CDS1: variants seen among roughly 807,000 people sequenced by gnomAD.
The protein encoded by CDS1 is CDP-diacylglycerol synthase 1, also known as phosphatidate cytidylyltransferase 1.
Under a neutral mutation model 62.1 loss-of-function variants are expected in CDS1, and 41 were observed. The observed-to-expected ratio is 0.66, with a 90% CI of 0.51 to 0.86. The LOEUF is 0.86. Ranked by LOEUF, CDS1 falls within the 40% of genes least tolerant of loss-of-function variation. The pLI, the probability that CDS1 is intolerant of heterozygous loss-of-function variation, is 0.00. For synonymous variants in CDS1, 185 were observed against 192.6 expected (o/e 0.96, Z 0.32); for missense variants, 470 against 550.1 (o/e 0.85, Z 1.46).
intron 5 of CDS1, among the ~76,000 whole-genome samples, chr4:84,626,188 CAA>C (rs752392181): frequency 6.6e-6 from 1 of 151,442 alleles, no homozygotes; most frequent in East Asian, 1.9e-4. Flanking sequence ...AACAAACAAA[CAA>C]AAAAAACATA....
chr4:84,620,025 A>T lies in CDS1; in HGVS notation c.580+492A>T, dbSNP rs1189952876. Among the ~76,000 whole-genome samples, 8 of 42,834 alleles carry T rather than the reference A, an allele frequency of 1.9e-4. No homozygotes were observed. The African/African-American group carries it at 2.2e-3, about 12-fold the overall frequency. The allele number at this position is 42,834 out of a possible 152,430, so 28.1% of individuals were successfully genotyped here. ...CCAGCCTGGGCAAAACTCTTATCTA[A>T]AAAAAAAAAAAAAAAAGAAAGAATC... On this transcript the variant is annotated intron_variant, in intron 5 of 12. Coordinates refer to ENST00000295887, the MANE Select transcript of CDS1 (RefSeq NM_001263.4).
intron 4 of CDS1, 105 bp from the exon 5 acceptor site, chr4:84,619,289 C>A: frequency 1.8e-6 from 1 of 545,068 alleles, no homozygotes; most frequent in Non-Finnish European, 3.0e-6. Flanking sequence ...GTCTTCTGAA[C>A]TTTGTTTTGA....
intron 3 of CDS1, among the ~76,000 whole-genome samples, chr4:84,615,016 A>G (rs1723443910): frequency 6.6e-6 from 1 of 152,170 alleles, no homozygotes; most frequent in African/African-American, 2.4e-5. Context: ...GCTGTTTCAG[A>G]AGCTGGGCTT....
intron 5 of CDS1, among the ~76,000 whole-genome samples, chr4:84,620,680 T>A (rs577691834): frequency 1.1e-3 from 171 of 152,312 alleles, no homozygotes; most frequent in Non-Finnish European, 2.1e-3. Context: ...TAAAAACCCC[T>A]AAGCAATTGA....
intron 5 of CDS1, among the ~76,000 whole-genome samples, chr4:84,629,049 C>T (rs571565488): frequency 6.6e-6 from 1 of 152,098 alleles, no homozygotes; most frequent in Non-Finnish European, 1.5e-5. Context: ...ATTTATACTA[C>T]TACAACACAT....
chr4:84,628,181 A>T (rs1332458467), intron 5 of CDS1, among the ~76,000 whole-genome samples: 1 of 152,142 alleles, frequency 6.6e-6, no homozygotes, highest in Non-Finnish European at 1.5e-5. Flanking sequence ...ATGGGGGATG[A>T]GTCAGAAGCT....
chr4:84,603,655 C>T (rs940245581), intron 1 of CDS1, among the ~76,000 whole-genome samples: 1 of 152,110 alleles, frequency 6.6e-6, no homozygotes, highest in African/African-American at 2.4e-5. Flanking sequence ...ACTCAGAAGT[C>T]GGTTTGTGTT....
chr4:84,595,391 T>C (rs1722718528), intron 1 of CDS1, among the ~76,000 whole-genome samples: 1 of 152,172 alleles, frequency 6.6e-6, no homozygotes, highest in Admixed American at 6.5e-5. Flanking sequence ...TATTTTTATT[T>C]CTCAATTATT....
At chr4:84,624,400 C>T (rs565935555) in intron 5 of CDS1, among the ~76,000 whole-genome samples, 1 of 151,444 alleles carries the variant, frequency 6.6e-6, no homozygotes, top group Non-Finnish European at 1.5e-5. Context: ...CAGTGCCTTA[C>T]TTACGATATC....
chr4:84,627,702 G>C (rs1462303205), intron 5 of CDS1, among the ~76,000 whole-genome samples: 2 of 151,990 alleles, frequency 1.3e-5, no homozygotes, highest in East Asian at 3.9e-4. Context: ...ATAATGCTTT[G>C]AGTCCAAGAA....
rs1560481563 is a variant in CDS1, at chr4:84,635,624, TGCCTTCCTTCC to T, written c.810+274_810+284del. On this transcript the variant is annotated intron_variant, in intron 8 of 12. Transcript: ENST00000295887. ...CTGCCTGCCTGCCTGCCTGCCTGCCTGCCTTCCTTCCTTCCTTCCTTCCTTCCTTCCTTCCT... is the reference window on the plus strand; with the variant it reads ...CTGCCTGCCTGCCTGCCTGCCTGCCTTTCCTTCCTTCCTTCCTTCCTTCCT... Among the ~76,000 whole-genome samples, 169 of 108,326 alleles carry T rather than the reference TGCCTTCCTTCC, an allele frequency of 1.6e-3. 1 individual carries two copies. The highest frequency in any genetic ancestry group is 9.3e-3 in the Middle Eastern group (2 of 216). 71.1% of individuals were successfully genotyped at this position (108,326 alleles called of 152,430 possible).
intron 5 of CDS1, among the ~76,000 whole-genome samples, chr4:84,625,889 C>T (rs543574057): frequency 2.0e-5 from 3 of 151,934 alleles, no homozygotes; most frequent in Admixed American, 1.3e-4. Context: ...GAAAATAGGC[C>T]GGGCGCGGTG....
intron 1 of CDS1, 81 bp downstream of exon 1, chr4:84,583,599 GC>G: frequency 1.3e-6 from 1 of 776,184 alleles, no homozygotes; most frequent in Non-Finnish European, 2.0e-6. Context: ...CAAGGGTGGG[GC>G]CCGTCCAGCG....
chr4:84,630,508 T>A (rs1018492326), intron 5 of CDS1, among the ~76,000 whole-genome samples: 7 of 152,212 alleles, frequency 4.6e-5, no homozygotes, highest in Non-Finnish European at 8.8e-5. Context: ...CTTTGCTTGG[T>A]GAGAGTAGTA....
Position 84,604,327 on chromosome 4 carries a change from A to G in CDS1, c.202A>G (p.Thr68Ala). ...GGAAATTCCACCATCCTCAGATAGA[A>G]CCCCTGAGATTCTCAAAAAAGCTCT... Reference protein sequence around the residue: ...IPEIPPSSDRTPEILKKALSG... With the variant: ...IPEIPPSSDRAPEILKKALSG... Residue 68 changes from threonine to alanine, a missense_variant, in exon 2 of 13, where the codon ACC becomes GCC. Physicochemically the swap from Thr to Ala is moderately conservative, Grantham distance 58 (BLOSUM62 0). This residue lies in a region of CDS1 where 150 missense variants were observed against 142.0 expected (regional missense o/e 1.06). Transcript: ENST00000295887. 7.4e-6 allele frequency: 12 copies of G among 1,612,810 alleles called. No homozygotes were observed. The highest frequency in any genetic ancestry group is 1.0e-5 in the Non-Finnish European group (12 of 1,178,922).
At chr4:84,590,617 A>G in intron 1 of CDS1, among the ~76,000 whole-genome samples, 1 of 152,192 alleles carries the variant, frequency 6.6e-6, no homozygotes. Flanking sequence ...CATAGAATTT[A>G]AGGACAATAC....
At chr4:84,589,196 T>C (rs560648769) in intron 1 of CDS1, among the ~76,000 whole-genome samples, 3 of 152,354 alleles carry the variant, frequency 2.0e-5, no homozygotes, top group African/African-American at 4.8e-5. Context: ...ATAACCGTGG[T>C]ACATCGGTCA....
intron 8 of CDS1, among the ~76,000 whole-genome samples, chr4:84,636,757 TC>T (rs575322292): frequency 1.4e-3 from 215 of 152,264 alleles, no homozygotes; most frequent in Non-Finnish European, 2.7e-3. Flanking sequence ...ACTCCTGACC[TC>T]GAATGATCTA....
rs796092445 is a variant in CDS1 at position 84,589,023 on chromosome 4, G to T, written c.117+5505G>T. On this transcript the variant is annotated intron_variant, in intron 1 of 12. Transcript: ENST00000295887. ...ACTTGGGAATGACCATGGGCAGCTT[G>T]AAGGTTAAAGGCAAGATAGAGTTGG... Among the ~76,000 whole-genome samples, 6 of 152,322 alleles carry T rather than the reference G, an allele frequency of 3.9e-5. No homozygotes were observed. In the South Asian group the frequency reaches 8.3e-4, roughly 21 times the overall value.
Sources: allele counts gnomAD v4.1 joint callset (sites outside exome capture counted in the v4.1 genomes callset), GRCh38; gene constraint gnomAD v4.1.1; regional missense constraint gnomAD v4.1.1; transcripts MANE v1.5; gene names NCBI Gene and HGNC (gene_info 2026-07-23, HGNC 2026-07-21).